Variants in GPC5 observed in about 807,000 individuals in gnomAD.
The protein encoded by GPC5 is glypican 5.
GPC5 carries 47 observed loss-of-function variants against 53.9 expected under a neutral mutation model. The ratio of observed to expected loss-of-function variants is 0.87; its 90% confidence interval spans 0.69 to 1.11. The LOEUF is 1.11. Ranked by LOEUF, GPC5 falls within the 50% of genes most tolerant of loss-of-function variation. The pLI is 0.00. For missense variants in GPC5, 748 were observed against 713.1 expected (o/e 1.05, Z -0.56); for synonymous variants, 286 against 263.3 (o/e 1.09, Z -0.84).
At chr13:92,259,035 T>C (rs1368026360) in intron 7 of GPC5, among the ~76,000 whole-genome samples, 2 of 152,164 alleles carry the variant, frequency 1.3e-5, no homozygotes, top group African/African-American at 4.8e-5. Context: ...TTCAAGGGAG[T>C]ATAAAATTAC....
chr13:91,698,647 A>C (rs2035932437), intron 3 of GPC5, among the ~76,000 whole-genome samples: 1 of 152,216 alleles, frequency 6.6e-6, no homozygotes, highest in African/African-American at 2.4e-5. Context: ...GAATTCTCAA[A>C]ATCTCAGTCT....
intron 7 of GPC5, among the ~76,000 whole-genome samples, chr13:92,357,883 A>G (rs1156689225): frequency 6.8e-6 from 1 of 147,788 alleles, no homozygotes; most frequent in African/African-American, 2.6e-5. Context: ...ATGGGGGGGG[A>G]CACAAATCCA....
At chr13:92,326,500 G>A (rs906636151) in intron 7 of GPC5, among the ~76,000 whole-genome samples, 1 of 152,042 alleles carries the variant, frequency 6.6e-6, no homozygotes, top group East Asian at 1.9e-4. Context: ...AAATCTATTA[G>A]TCTTTGTATT....
In GPC5 at chr13:92,188,239, T is replaced by C. The variant is rs1242781655; in HGVS notation, c.1561+43250T>C. On this transcript the variant is annotated intron_variant, in intron 7 of 7. Transcript: ENST00000377067. ...AGATAGCCTTCCATGCAGTTCCAAA[T>C]GTATTGTTTGCTGATGGCAGGAGGA... is the stretch of plus-strand genomic sequence containing the variant. Among the ~76,000 whole-genome samples the C allele has an allele frequency of 3.3e-5, 5 of 152,154 alleles. No individual in the cohort carries two copies. The East Asian group carries it at 7.7e-4, about 23-fold the overall frequency.
intron 7 of GPC5, among the ~76,000 whole-genome samples, chr13:92,227,030 C>T (rs893676170): frequency 6.6e-6 from 1 of 152,174 alleles, no homozygotes; most frequent in African/African-American, 2.4e-5. Context: ...TACACTGAGA[C>T]ATTAAAATCC....
intron 2 of GPC5, among the ~76,000 whole-genome samples, chr13:91,632,005 G>T (rs1174263067): frequency 6.6e-6 from 1 of 152,062 alleles, no homozygotes; most frequent in African/African-American, 2.4e-5. Context: ...TACTGTATCA[G>T]AAGCACTAGC....
chr13:92,526,653 G>A (rs1461825475), intron 7 of GPC5, among the ~76,000 whole-genome samples: 1 of 151,832 alleles, frequency 6.6e-6, no homozygotes, highest in Non-Finnish European at 1.5e-5. Flanking sequence ...TGTTTTAGGG[G>A]GATGGATACC....
At chr13:92,083,342 T>C (rs1214799767) in intron 6 of GPC5, among the ~76,000 whole-genome samples, 2 of 151,920 alleles carry the variant, frequency 1.3e-5, no homozygotes, top group East Asian at 1.9e-4. Context: ...AAAAAGGCAG[T>C]GGGGGAGTGG....
At chr13:91,549,885 C>T (rs770828593) in intron 2 of GPC5, among the ~76,000 whole-genome samples, 4 of 152,112 alleles carry the variant, frequency 2.6e-5, no homozygotes, top group Non-Finnish European at 4.4e-5. Flanking sequence ...CTTACACTAT[C>T]CAGCAGTCAT....
chr13:91,833,987 A>G (rs143003020), intron 5 of GPC5, among the ~76,000 whole-genome samples: 4,560 of 152,206 alleles, frequency 0.03, 94 homozygotes, highest in Non-Finnish European at 0.047. Flanking sequence ...GTGTATATTT[A>G]AAAAACCCCA....
intron 7 of GPC5, among the ~76,000 whole-genome samples, chr13:92,208,181 G>A (rs2042351019): frequency 6.6e-6 from 1 of 152,184 alleles, no homozygotes; most frequent in South Asian, 2.1e-4. Context: ...TCCACTTCCT[G>A]GTTCCAGTCG....
intron 7 of GPC5, among the ~76,000 whole-genome samples, chr13:92,219,958 C>T (rs1317780463): frequency 6.6e-6 from 1 of 152,148 alleles, no homozygotes; most frequent in East Asian, 1.9e-4. Context: ...TAAATCTCTA[C>T]TTTTGTTGCT....
At chr13:92,421,425 C>T (rs542102597) in intron 7 of GPC5, among the ~76,000 whole-genome samples, 41 of 152,194 alleles carry the variant, frequency 2.7e-4, no homozygotes, top group African/African-American at 9.1e-4. Flanking sequence ...TTTGGCCGGG[C>T]GCGGTGGCTC....
At chr13:91,638,210 T>C (rs1355627836) in intron 2 of GPC5, among the ~76,000 whole-genome samples, 1 of 152,216 alleles carries the variant, frequency 6.6e-6, no homozygotes, top group Non-Finnish European at 1.5e-5. Flanking sequence ...TGGTATTTCG[T>C]ATATCAAACC....
At chr13:91,705,820 A>T (rs1355639166) in intron 3 of GPC5, among the ~76,000 whole-genome samples, 1 of 151,854 alleles carries the variant, frequency 6.6e-6, no homozygotes, top group African/African-American at 2.4e-5. Context: ...CCAATTATTT[A>T]AGGTGAGCTC....
chr13:92,308,687 G>C (rs1367554698), intron 7 of GPC5, among the ~76,000 whole-genome samples: 1 of 152,038 alleles, frequency 6.6e-6, no homozygotes, highest in African/African-American at 2.4e-5. Context: ...ATCTTTTCCA[G>C]TTCCTTGTGT....
Position 92,107,393 on chromosome 13 carries a change from G to A in GPC5, c.1402-37437G>A, listed in dbSNP as rs1340984916. Among the ~76,000 whole-genome samples, 3 of 151,608 alleles carry A rather than the reference G, an allele frequency of 2.0e-5. No homozygotes were observed. In the East Asian group the frequency reaches 5.8e-4, roughly 29 times the overall value. ...TTTTTAGGACAGTTTCTTGTGATAT[G>A]CCTAGGTTATAATATTAAGGAACAT... On this transcript the variant is annotated intron_variant, in intron 6 of 7. Coordinates refer to ENST00000377067, the MANE Select transcript of GPC5 (RefSeq NM_004466.6).
rs564223818 is a variant in GPC5 at position 91,525,138 on chromosome 13, A to G, written c.325+76216A>G. Among the ~76,000 whole-genome samples, 104 of 152,306 alleles carry G rather than the reference A, an allele frequency of 6.8e-4. 1 individual carries two copies. In the South Asian group the frequency reaches 0.021, roughly 30 times the overall value. ...TGTGTGCAGCTTGTTCCTCTATACA[A>G]ACGAACTATGTATTTTTCACTTGGA... On this transcript the variant is annotated intron_variant, in intron 2 of 7. Coordinates refer to ENST00000377067, the MANE Select transcript of GPC5 (RefSeq NM_004466.6).
chr13:91,912,396 A>C (rs2039617938), intron 6 of GPC5, among the ~76,000 whole-genome samples: 1 of 152,172 alleles, frequency 6.6e-6, no homozygotes, highest in Non-Finnish European at 1.5e-5. Flanking sequence ...ATCAGAAGGA[A>C]TTGAATTTTA....
Sources: allele counts gnomAD v4.1 joint callset (sites outside exome capture counted in the v4.1 genomes callset), GRCh38; gene constraint gnomAD v4.1.1; transcripts MANE v1.5; gene names NCBI Gene and HGNC (gene_info 2026-07-23, HGNC 2026-07-21).